GAK: variants seen among roughly 807,000 people sequenced by gnomAD.
GAK encodes cyclin-G-associated kinase.
In GAK, 79 loss-of-function variants were observed where a neutral mutation model predicts 143.9. The observed-to-expected ratio is 0.55, with a 90% CI of 0.46 to 0.66. The LOEUF (loss-of-function observed/expected upper bound fraction) is 0.66, where lower values mean the gene tolerates loss of function less well. GAK is among the 30% of genes least tolerant of loss of function. The probability of loss-of-function intolerance (pLI) is 0.00; values close to 1 mark genes in which losing one functional copy is unlikely to be tolerated. For synonymous variants in GAK, 881 were observed against 765.5 expected (o/e 1.15, Z -2.49); for missense variants, 1,693 against 1,779.7 (o/e 0.95, Z 0.88).
chr4:895,454 G>A (rs1362584855), intron 7 of GAK, among the ~76,000 whole-genome samples: 1 of 152,234 alleles, frequency 6.6e-6, no homozygotes, highest in African/African-American at 2.4e-5. Flanking sequence ...CACAGGCAAT[G>A]ACCACACACG....
intron 24 of GAK, among the ~76,000 whole-genome samples, chr4:858,947 C>T (rs901846933): frequency 1.3e-5 from 2 of 152,218 alleles, no homozygotes; most frequent in African/African-American, 4.8e-5. Flanking sequence ...GGAGCCACTT[C>T]CCACCCAGCA....
intron 24 of GAK, among the ~76,000 whole-genome samples, chr4:857,803 G>A (rs889406149): frequency 8.6e-5 from 13 of 152,006 alleles, no homozygotes; most frequent in Admixed American, 3.3e-4. Context: ...GGCTTATTTC[G>A]CTCCCTTTTT....
chr4:861,202 C>T (rs944057526), intron 23 of GAK, among the ~76,000 whole-genome samples: 37 of 152,094 alleles, frequency 2.4e-4, no homozygotes, highest in African/African-American at 8.7e-4. Flanking sequence ...GAACCTACAA[C>T]GGCCTATAAG....
intron 15 of GAK, among the ~76,000 whole-genome samples, chr4:880,042 GC>G (rs1275595295): frequency 6.6e-6 from 1 of 151,378 alleles, no homozygotes; most frequent in Admixed American, 6.6e-5. Flanking sequence ...TCTGACGAAT[GC>G]CCCACTGGAC....
chr4:870,633 G>A (rs1712360432), intron 19 of GAK, 78 bp downstream of exon 19: 1 of 1,475,328 alleles, frequency 6.8e-7, no homozygotes, highest in Non-Finnish European at 9.3e-7. Flanking sequence ...AGCCCTGCCA[G>A]AGCTCAGCCA....
intron 1 of GAK, among the ~76,000 whole-genome samples, chr4:917,248 G>C (rs1211817167): frequency 6.6e-6 from 1 of 151,914 alleles, no homozygotes; most frequent in African/African-American, 2.4e-5. Context: ...AAAAAAGAGA[G>C]TACATACACA....
At chr4:881,851 G>A (rs1476047169) in intron 15 of GAK, 56 bp downstream of exon 15, 1 of 1,511,670 alleles carries the variant, frequency 6.6e-7, no homozygotes, top group African/African-American at 1.4e-5. Context: ...AGCGGGGGCG[G>A]CAGTGCCACA....
intron 1 of GAK, 118 bp from the exon 2 acceptor site, chr4:913,786 T>C: frequency 1.2e-6 from 1 of 842,944 alleles, no homozygotes. Flanking sequence ...AGCAGTTTTC[T>C]ACAAAACATA....
At position 893,881 on chromosome 4, in the gene GAK, G is replaced by A. The variant is rs1718185890; in HGVS notation, c.870C>T (p.Ser290=). Residue 290 remains serine (S), a synonymous_variant, in exon 8 of 28, where the codon AGC becomes AGT. Coordinates refer to ENST00000314167, the MANE Select transcript of GAK (RefSeq NM_005255.4). ...CATTCCACCGGGACTTACGGATGAG[G>A]CTGTGGAAGACCGTGTACTGCGTGT... The part of the protein sequence containing the change: ...PHDTQYTVFH[S]LIRAMLQVNP... 1 of 1,596,312 alleles carries A rather than the reference G, an allele frequency of 6.3e-7. No individual in the cohort carries two copies. The highest frequency in any genetic ancestry group is 8.5e-7 in the Non-Finnish European group (1 of 1,170,228).
At position 867,135 on chromosome 4, in the gene GAK, G is replaced by A. The variant is rs201137296; in HGVS notation, c.2693C>T (p.Pro898Leu). The A allele has an allele frequency of 1.8e-3, 2,907 of 1,588,246 alleles. 3 individuals carry two copies. The highest frequency in any genetic ancestry group is 2.3e-3 in the Non-Finnish European group (2,733 of 1,163,986). Reference protein sequence around the residue: ...SEVGAGPAVPPQACKAPSSNT... With the variant: ...SEVGAGPAVPLQACKAPSSNT... ...GCTGGAGGGGGCCTTGCAGGCCTGC[G>A]GGGGTACAGCTGGCCCTGCGCCCAC... The change falls in exon 21 of 28, where the codon CCG becomes CTG. Residue 898 changes from proline (P) to leucine (L), a missense_variant. By Grantham distance (98) the Pro-to-Leu change is moderately conservative. This residue lies in a region of GAK where 822 missense variants were observed against 788.7 expected (regional missense o/e 1.04). Transcript: ENST00000314167.
At chr4:889,049 G>GCCCCAGGCGCTCGGTCCCACCT in intron 10 of GAK, 79 bp from the exon 11 acceptor site, 4 of 1,474,672 alleles carry the variant, frequency 2.7e-6, no homozygotes, top group Non-Finnish European at 3.6e-6. Context: ...CTGGGCCCAG[G>GCCCCAGGCGCTCGGTCCCACCT]CCCCAGGCGC....
At chr4:931,486 C>T (rs1252642671) in intron 1 of GAK, among the ~76,000 whole-genome samples, 1 of 142,330 alleles carries the variant, frequency 7.0e-6, no homozygotes, top group Non-Finnish European at 1.5e-5. Flanking sequence ...CTCTCAAGTT[C>T]CCTGGACTGT....
intron 4 of GAK, among the ~76,000 whole-genome samples, chr4:909,001 G>A (rs1577269686): frequency 6.6e-6 from 1 of 152,000 alleles, no homozygotes; most frequent in African/African-American, 2.4e-5. Context: ...TACCATGCCT[G>A]GCTAATTTTT....
At position 888,948 on chromosome 4, in the gene GAK, G is replaced by C. The variant is rs761236548; in HGVS notation, c.1104C>G (p.Asp368Glu). ...YSGGLALAEYDQPYGGFLDIL... is the reference protein window; with the variant it reads ...YSGGLALAEYEQPYGGFLDIL... ...TGTCCAGGAAGCCGCCATACGGCTG[G>C]TCGTACTCCGCCAGCGCCAGGCCTG... The change falls in exon 11 of 28, where the codon GAC becomes GAG. Residue 368 changes from aspartate to glutamate, a missense_variant. Coordinates refer to ENST00000314167, the MANE Select transcript of GAK (RefSeq NM_005255.4). The C allele has an allele frequency of 6.2e-7, 1 of 1,611,756 alleles. No homozygotes were observed. The highest frequency in any genetic ancestry group is 8.5e-7 in the Non-Finnish European group (1 of 1,179,632).
chr4:917,749 CAT>C (rs1723307694), intron 1 of GAK, among the ~76,000 whole-genome samples: 1 of 152,246 alleles, frequency 6.6e-6, no homozygotes, highest in African/African-American at 2.4e-5. Context: ...ACATACATGA[CAT>C]GTGCCGAAAC....
chr4:910,432 C>T (rs1721849909), intron 4 of GAK, among the ~76,000 whole-genome samples: 1 of 151,506 alleles, frequency 6.6e-6, no homozygotes, highest in Admixed American at 6.6e-5. Flanking sequence ...CACAGGGCCC[C>T]TTCCACGACG....
chr4:850,111 G>A (rs550956695), intron 26 of GAK, 43 bp from the exon 27 acceptor site: 22 of 1,516,602 alleles, frequency 1.5e-5, no homozygotes, highest in Non-Finnish European at 1.8e-5. Flanking sequence ...GCACCTGCCT[G>A]CCCTCCTCCT....
chr4:924,327 G>A (rs890498886), intron 1 of GAK, among the ~76,000 whole-genome samples: 7 of 152,156 alleles, frequency 4.6e-5, no homozygotes, highest in African/African-American at 9.7e-5. Context: ...TGGAGAGCCA[G>A]GAACTCTCCA....
chr4:888,060 A>G (rs1716885654), intron 11 of GAK: 1 of 152,294 alleles, frequency 6.6e-6, no homozygotes, highest in South Asian at 2.1e-4. Flanking sequence ...GACACAAAAC[A>G]GTGATCACAG....
Sources: gnomAD v4.1 joint callset for allele counts (sites outside exome capture counted in the v4.1 genomes callset) on GRCh38, gnomAD v4.1.1 for gene constraint, gnomAD v4.1.1 regional missense constraint, MANE v1.5 for transcripts, NCBI Gene and HGNC (gene_info 2026-07-23, HGNC 2026-07-21) for gene names.